The following MYO5C variants were observed in gnomAD, a reference collection of about 807,000 sequenced individuals.
MYO5C encodes the protein myosin VC, also known as unconventional myosin-Vc.
Under a neutral mutation model 235.7 loss-of-function variants are expected in MYO5C, and 194 were observed. That is an observed-to-expected ratio of 0.82 (90% confidence interval 0.73 to 0.93). MYO5C has a LOEUF of 0.93. MYO5C is among the 40% of genes least tolerant of loss of function. MYO5C has a pLI of 0.00. For synonymous variants in MYO5C, 707 were observed against 754.8 expected (o/e 0.94, Z 1.04); for missense variants, 2,038 against 2,127.2 (o/e 0.96, Z 0.82).
chr15:52,260,304 T>G (rs936704608), intron 10 of MYO5C, among the ~76,000 whole-genome samples: 1 of 151,996 alleles, frequency 6.6e-6, no homozygotes, highest in African/African-American at 2.4e-5. Flanking sequence ...AGGATTGGGG[T>G]AGGGGGGTGG....
Position 52,264,097 on chromosome 15 carries a change from T to C in MYO5C, c.1047+93A>G, listed in dbSNP as rs572881060. 3.0e-4 allele frequency: 277 copies of C among 915,434 alleles called. 7 individuals carry two copies. The South Asian group carries it at 4.2e-3, about 14-fold the overall frequency. 56.7% of individuals were successfully genotyped at this position (915,434 alleles called of 1,614,324 possible). A position where few individuals can be genotyped will look rare whatever the true frequency, so the allele number is the denominator to read the frequency against. ...ACCAGTCTACCCAGGAGGCCGACTA[T>C]ATCTGGTGCTAAAAAGCAAAGGCAG... On this transcript the variant is annotated intron_variant, in intron 9 of 40. Transcript: ENST00000261839.
Position 52,242,182 on chromosome 15 carries a change from C to T in MYO5C, c.2422G>A (p.Ala808Thr). The change falls in exon 20 of 41, where the codon GCT (alanine) becomes ACT (threonine). Residue 808 changes from alanine (A) to threonine (T), a missense_variant. Physicochemically the swap from Ala to Thr is moderately conservative, Grantham distance 58. Transcript: ENST00000261839. ...KAITAVALKE[A>T]WAAIIIQKHC... ...TTCTGAATGATTATGGCTGCCCAAG[C>T]TTCTTTTAAGGCCACTGCAGTAATA... The T allele has an allele frequency of 2.5e-6, 4 of 1,613,744 alleles. No individual in the cohort carries two copies. Among genetic ancestry groups the T allele is most frequent in the Non-Finnish European group, 3.4e-6 (4 of 1,179,724 alleles).
In MYO5C at chr15:52,278,867, A is replaced by G. The variant is rs1213944049; in HGVS notation, c.449+6T>C. The G allele has an allele frequency of 1.2e-6, 2 of 1,613,346 alleles. No homozygotes were observed. The highest frequency in any genetic ancestry group is 2.7e-5 in the African/African-American group (2 of 74,908). On this transcript the variant is annotated splice_donor_region_variant and intron_variant, in intron 4 of 40. Transcript: ENST00000261839. ...CAAGGGGAAGTCCAGCTTGGCAGGA[A>G]GCTACCTGGCCATCTGCTTGTATGC...
At chr15:52,279,184 C>T (rs1409749022) in intron 3 of MYO5C, among the ~76,000 whole-genome samples, 167 bp from the exon 4 acceptor site, 2 of 152,050 alleles carry the variant, frequency 1.3e-5, no homozygotes, top group South Asian at 2.1e-4. Flanking sequence ...CCTACACCCT[C>T]GGGCTGTTCT....
chr15:52,195,271 G>A, intron 40 of MYO5C, 106 bp downstream of exon 40: 3 of 752,686 alleles, frequency 4.0e-6, no homozygotes, highest in Non-Finnish European at 6.3e-6. Context: ...TTGTATATGT[G>A]GGTAAATGTA....
intron 20 of MYO5C, among the ~76,000 whole-genome samples, chr15:52,241,461 G>C (rs952737892): frequency 2.6e-5 from 4 of 151,874 alleles, no homozygotes; most frequent in Non-Finnish European, 5.9e-5. Flanking sequence ...GGGTTTCACT[G>C]TGTTAGCCAG....
At chr15:52,199,325 T>C (rs1265209069) in intron 38 of MYO5C, among the ~76,000 whole-genome samples, 1 of 152,202 alleles carries the variant, frequency 6.6e-6, no homozygotes, top group Non-Finnish European at 1.5e-5. Context: ...CACTCAAAGA[T>C]GTGTGGTGGG....
intron 1 of MYO5C, among the ~76,000 whole-genome samples, chr15:52,293,947 G>T (rs1210632249): frequency 6.6e-6 from 1 of 152,220 alleles, no homozygotes; most frequent in Non-Finnish European, 1.5e-5. Flanking sequence ...GGGGCTAACT[G>T]CCCACCAGGA....
At chr15:52,220,776 G>T (rs921250902) in intron 30 of MYO5C, among the ~76,000 whole-genome samples, 1 of 149,366 alleles carries the variant, frequency 6.7e-6, no homozygotes, top group African/African-American at 2.5e-5. Flanking sequence ...CCAGTGAGCC[G>T]AAATCGCACC....
At chr15:52,294,114 G>A (rs1315893395) in intron 1 of MYO5C, among the ~76,000 whole-genome samples, 2 of 152,190 alleles carry the variant, frequency 1.3e-5, no homozygotes, top group Non-Finnish European at 2.9e-5. Context: ...CATTGTGCCT[G>A]GTACTTACTA....
intron 15 of MYO5C, 59 bp from the exon 16 acceptor site, chr15:52,247,073 G>C: frequency 3.4e-6 from 5 of 1,458,806 alleles, no homozygotes; most frequent in South Asian, 2.4e-5. Flanking sequence ...CTTACATCAC[G>C]GTAAAAAGCA....
intron 34 of MYO5C, 73 bp downstream of exon 34, chr15:52,213,115 C>G: frequency 8.7e-7 from 1 of 1,146,784 alleles, no homozygotes; most frequent in Non-Finnish European, 1.3e-6. Flanking sequence ...CACCCCTGCC[C>G]AGGACTTTGG....
At chr15:52,209,265 TGC>T (rs1322747700) in intron 35 of MYO5C, among the ~76,000 whole-genome samples, 5 of 152,204 alleles carry the variant, frequency 3.3e-5, no homozygotes, top group African/African-American at 1.2e-4. Flanking sequence ...ATGGTGCTAA[TGC>T]TTTGGTCAAT....
Position 52,235,557 on chromosome 15 carries a change from C to T in MYO5C, c.2962+113G>A, listed in dbSNP as rs556378061. On this transcript the variant is annotated intron_variant, in intron 23 of 40. Transcript: ENST00000261839. ...TATTCCTTGTGAGCAAAAATTGCCT[C>T]ACTAAACTAAGTGTACACCAGAGAC... 1.9e-4 allele frequency: 143 copies of T among 740,386 alleles called. 3 individuals carry two copies. The South Asian group carries it at 3.1e-3, about 16-fold the overall frequency. The allele number at this position is 740,386 out of a possible 1,614,324, so 45.9% of individuals were successfully genotyped here. A position where few individuals can be genotyped will look rare whatever the true frequency, so the allele number is the denominator to read the frequency against.
chr15:52,292,843 G>T (rs962257109), intron 1 of MYO5C, among the ~76,000 whole-genome samples: 1 of 152,238 alleles, frequency 6.6e-6, no homozygotes, highest in Non-Finnish European at 1.5e-5. Flanking sequence ...AAAGGTGACA[G>T]ACAGAGGCTC....
chr15:52,245,977 C>G lies in MYO5C; in HGVS notation c.2045G>C (p.Ser682Thr), dbSNP rs1447314649. The part of the protein sequence containing the change: ...ACGVLETIRI[S>T]AQSYPSRWTY... Reference sequence around the variant, plus strand: ...ATACCTGGAAGGGTAGCTCTGTGCACTAATGCGAATCGTTTCTAAAACGCC... The same window carrying G: ...ATACCTGGAAGGGTAGCTCTGTGCAGTAATGCGAATCGTTTCTAAAACGCC... The change falls in exon 17 of 41, where the codon AGT becomes ACT. Residue 682 changes from serine (S) to threonine (T), a missense_variant. By Grantham distance (58) the Ser-to-Thr change is moderately conservative (BLOSUM62 1). Coordinates refer to ENST00000261839, the MANE Select transcript of MYO5C (RefSeq NM_018728.4). The G allele has an allele frequency of 1.2e-6, 2 of 1,614,074 alleles. No homozygotes were observed. Among genetic ancestry groups the G allele is most frequent in the Non-Finnish European group, 1.7e-6 (2 of 1,180,026 alleles).
intron 38 of MYO5C, among the ~76,000 whole-genome samples, chr15:52,200,541 G>C (rs2035163752): frequency 6.7e-6 from 1 of 149,256 alleles, no homozygotes. Context: ...CTCAAGCTTG[G>C]GTAACTAAAT....
intron 5 of MYO5C, among the ~76,000 whole-genome samples, chr15:52,274,967 C>T (rs1160791806): frequency 2.6e-5 from 4 of 152,212 alleles, no homozygotes; most frequent in African/African-American, 9.7e-5. Context: ...CAGGACCCTC[C>T]TCTGTGCCTT....
intron 13 of MYO5C, among the ~76,000 whole-genome samples, chr15:52,249,076 T>C (rs2036416190): frequency 6.6e-6 from 1 of 152,230 alleles, no homozygotes; most frequent in Non-Finnish European, 1.5e-5. Flanking sequence ...GTGCAGTTCC[T>C]ACAAGAACAC....
Sources: gnomAD v4.1 joint callset for allele counts (sites outside exome capture counted in the v4.1 genomes callset) on GRCh38, gnomAD v4.1.1 for gene constraint, MANE v1.5 for transcripts, NCBI Gene and HGNC (gene_info 2026-07-23, HGNC 2026-07-21) for gene names.